Variants in PRKAR1A observed in about 807,000 individuals in gnomAD.
PRKAR1A encodes cAMP-dependent protein kinase type I-alpha regulatory subunit.
Under a neutral mutation model 52.0 loss-of-function variants are expected in PRKAR1A, and 3 were observed. The observed-to-expected ratio is 0.06, with a 90% CI of 0.03 to 0.15. The LOEUF is 0.15. PRKAR1A is among the 10% of genes least tolerant of loss of function. The pLI is 1.00. For synonymous variants in PRKAR1A, 188 were observed against 168.4 expected (o/e 1.12, Z -0.90); for missense variants, 240 against 477.4 (o/e 0.50, Z 4.63).
At chr17:68,505,280 G>A in the PRKAR1A span, among the ~76,000 whole-genome samples, 2 of 152,190 alleles carry the variant, frequency 1.3e-5, no homozygotes, top group Non-Finnish European at 2.9e-5. Flanking sequence ...GGCAGAGCCA[G>A]ACTCTGTCTC....
rs2086431037 is a variant in PRKAR1A, at chr17:68,543,945, G to A, written c.974-7139G>A. Among the ~76,000 whole-genome samples the A allele has an allele frequency of 1.3e-5, 2 of 152,186 alleles. 1 individual carries two copies. The highest frequency in any genetic ancestry group is 4.1e-4 in the South Asian group (2 of 4,832). On this transcript the variant is annotated intron_variant, in intron 11 of 11. Transcript: ENST00000585981. ...CTTCTTGCAAGACACTGTCCTGCAGGCACCACCAATACCAAGTTTCCTGCT... is the reference window on the plus strand; with the variant it reads ...CTTCTTGCAAGACACTGTCCTGCAGACACCACCAATACCAAGTTTCCTGCT...
At chr17:68,428,714 C>A in the PRKAR1A span, 1 of 778,046 alleles carries the variant, frequency 1.3e-6, no homozygotes, top group Admixed American at 2.2e-5. Context: ...GCCACTGAGA[C>A]TGCCAGTGAA....
the PRKAR1A span, chr17:68,420,559 GT>G: frequency 7.2e-7 from 1 of 1,397,752 alleles, no homozygotes. Context: ...ACACGCTTTA[GT>G]TTAGTCTTGG....
chr17:68,516,195 T>C (rs552406966), intron 2 of PRKAR1A, among the ~76,000 whole-genome samples: 39 of 152,344 alleles, frequency 2.6e-4, no homozygotes, highest in Admixed American at 2.6e-4. Flanking sequence ...TCTTTTTTGC[T>C]CTTCCTCCTT....
At chr17:68,514,841 A>G (rs1483331530) in intron 1 of PRKAR1A, 1 of 153,234 alleles carries the variant, frequency 6.5e-6, no homozygotes, top group African/African-American at 2.4e-5. Flanking sequence ...GTGTGTTTTT[A>G]AAAATTTTGA....
At chr17:68,536,131 C>G (rs2143430446), downstream of PRKAR1A, 1 of 454,080 alleles carries the variant, frequency 2.2e-6, no homozygotes, top group East Asian at 6.9e-5. Flanking sequence ...ACCACGGGGT[C>G]AGAAGTGTTA....
At chr17:68,514,941 G>A (rs566021523) in intron 1 of PRKAR1A, 1 of 230,128 alleles carries the variant, frequency 4.3e-6, no homozygotes, top group East Asian at 1.2e-4. Flanking sequence ...TTACGTATAG[G>A]GAATGTCAGA....
intron 2 of PRKAR1A, among the ~76,000 whole-genome samples, chr17:68,517,786 C>T (rs879686888): frequency 9.2e-5 from 14 of 152,186 alleles, no homozygotes; most frequent in Non-Finnish European, 1.9e-4. Context: ...CCCTCAGAGT[C>T]TTAACTCATT....
chr17:68,444,362 C>T, the PRKAR1A span: 1 of 772,230 alleles, frequency 1.3e-6, no homozygotes, highest in Non-Finnish European at 2.2e-6. Context: ...GACAAAGCTT[C>T]GAGATAAACC....
chr17:68,551,040 C>A, intron 11 of PRKAR1A: 1 of 1,224,046 alleles, frequency 8.2e-7, no homozygotes, highest in Non-Finnish European at 1.0e-6. Flanking sequence ...GAAAGCATGA[C>A]TTGGGTAACG....
At chr17:68,537,725 G>A (rs745483908), downstream of PRKAR1A, 233 of 1,612,106 alleles carry the variant, frequency 1.4e-4, no homozygotes, top group Non-Finnish European at 1.8e-4. This position sits in a 1 kb window ranked among gnomAD's most constrained non-coding sequence, Gnocchi z 4.2. Context: ...AGGTGCAAAA[G>A]TGTTTTCTTT....
Position 68,530,574 on chromosome 17 carries a change from A to G in PRKAR1A, c.*125A>G, listed in dbSNP as rs530756390. ...GCATCGCAGCTTCCTGTCTGTTTAT[A>G]TATTGAAAGTTGCTTTTATTGCACC... On this transcript the variant is annotated 3_prime_UTR_variant, in exon 11 of 11. Coordinates refer to ENST00000589228, the MANE Select transcript of PRKAR1A (RefSeq NM_002734.5). 7.6e-6 allele frequency: 12 copies of G among 1,573,724 alleles called. No individual in the cohort carries two copies. The highest frequency in any genetic ancestry group is 6.7e-5 in the African/African-American group (5 of 74,228).
chr17:68,435,561 C>T, the PRKAR1A span: 40 of 1,532,970 alleles, frequency 2.6e-5, no homozygotes, highest in African/African-American at 2.0e-4. Context: ...CCCATCCCTG[C>T]GCACGGCAGG....
At chr17:68,530,049 C>T (rs8072791) in intron 10 of PRKAR1A, 48 bp downstream of exon 10, 6 of 1,575,844 alleles carry the variant, frequency 3.8e-6, no homozygotes, top group Admixed American at 1.7e-5. Flanking sequence ...TTTAAGTCAC[C>T]TCTCAGTGAG....
the PRKAR1A span, among the ~76,000 whole-genome samples, chr17:68,432,520 G>A: frequency 1.2e-4 from 18 of 152,128 alleles, no homozygotes; most frequent in Non-Finnish European, 1.3e-4. Flanking sequence ...AGGTTGAGGC[G>A]GGTGGATCAT....
intron 1 of PRKAR1A, chr17:68,515,174 C>T: frequency 3.6e-6 from 2 of 562,118 alleles, no homozygotes; most frequent in Non-Finnish European, 6.3e-6. Context: ...TCACTGTTGC[C>T]TACAGAGCAC....
the PRKAR1A span, chr17:68,444,438 A>G: frequency 6.6e-7 from 1 of 1,514,066 alleles, no homozygotes; most frequent in African/African-American, 1.4e-5. Context: ...AAGCTTGGGA[A>G]AGAAGCACCA....
intron 11 of PRKAR1A, among the ~76,000 whole-genome samples, chr17:68,538,738 T>C (rs2143450461): frequency 6.6e-6 from 1 of 152,350 alleles, no homozygotes; most frequent in South Asian, 2.1e-4. Context: ...CCCAGCAGAC[T>C]GCAAAAATAG....
chr17:68,514,279 T>C (rs887144758), intron 1 of PRKAR1A, among the ~76,000 whole-genome samples: 1 of 152,224 alleles, frequency 6.6e-6, no homozygotes, highest in Admixed American at 6.5e-5. Flanking sequence ...ATAAGTTCTT[T>C]TAAATTTACA....
Sources: allele counts gnomAD v4.1 joint callset (sites outside exome capture counted in the v4.1 genomes callset), GRCh38; gene constraint gnomAD v4.1.1; non-coding constraint Gnocchi (gnomAD v3.1); transcripts MANE v1.5; gene names NCBI Gene and HGNC (gene_info 2026-07-23, HGNC 2026-07-21).